The following FAM210A variants were observed in gnomAD, a reference collection of about 807,000 sequenced individuals.
FAM210A encodes mitochondrial inner membrane scaffold 1.
Under a neutral mutation model 25.3 loss-of-function variants are expected in FAM210A, and 13 were observed. The observed-to-expected ratio is 0.51, with a 90% confidence interval of 0.33 to 0.82. The LOEUF is 0.82. FAM210A is among the 40% of genes least tolerant of loss of function. The probability of loss-of-function intolerance (pLI) is 0.02; values close to 1 mark genes in which losing one functional copy is unlikely to be tolerated. For missense variants in FAM210A, 319 were observed against 323.2 expected (o/e 0.99, Z 0.10); for synonymous variants, 125 against 118.7 (o/e 1.05, Z -0.35).
intron 2 of FAM210A, among the ~76,000 whole-genome samples, chr18:13,677,044 C>T (rs1448854578): frequency 6.6e-6 from 1 of 151,600 alleles, no homozygotes; most frequent in Non-Finnish European, 1.5e-5. Context: ...ACTGAGCTCC[C>T]TGAGTGAGCA....
At position 13,664,734 on chromosome 18, in the gene FAM210A, C is replaced by T. The variant is rs1227958497; in HGVS notation, c.*1746G>A. On this transcript the variant is annotated 3_prime_UTR_variant, in exon 4 of 4. Coordinates refer to ENST00000651643, the MANE Select transcript of FAM210A (RefSeq NM_152352.4). ...AAAGCATTCTAATATAGTAATTAGA[C>T]TCATCAAATACAAACTTTTTTTCCC... is the stretch of plus-strand genomic sequence containing the variant. 1 of 152,178 alleles carries T rather than the reference C, an allele frequency of 6.6e-6. No homozygotes were observed. Among genetic ancestry groups the T allele is most frequent in the South Asian group, 2.1e-4 (1 of 4,826 alleles). The allele number at this position is 152,178 out of a possible 1,614,324, so 9.4% of individuals were successfully genotyped here.
chr18:13,697,082 T>TCA (rs2043700636), intron 1 of FAM210A, among the ~76,000 whole-genome samples: 16 of 152,240 alleles, frequency 1.1e-4, no homozygotes, highest in Admixed American at 1.0e-3. Flanking sequence ...CTGTACAGGT[T>TCA]TGTGGCCTAG....
At chr18:13,704,684 T>C (rs1030628333) in intron 1 of FAM210A, among the ~76,000 whole-genome samples, 4 of 152,306 alleles carry the variant, frequency 2.6e-5, no homozygotes, top group African/African-American at 7.2e-5. Flanking sequence ...ATGTGAAGAA[T>C]TGTCAAAATA....
At chr18:13,677,367 C>T (rs1369193406) in intron 2 of FAM210A, among the ~76,000 whole-genome samples, 2 of 152,206 alleles carry the variant, frequency 1.3e-5, no homozygotes, top group African/African-American at 4.8e-5. Context: ...AGCCATCACG[C>T]CCGGCCCCTG....
chr18:13,690,469 T>C (rs1405300509), intron 1 of FAM210A, among the ~76,000 whole-genome samples: 3 of 152,222 alleles, frequency 2.0e-5, no homozygotes, highest in Non-Finnish European at 1.5e-5. Flanking sequence ...AGTGGGTCCC[T>C]GACCCCCGAG....
chr18:13,718,961 A>G (rs2043880149), intron 1 of FAM210A, among the ~76,000 whole-genome samples: 1 of 152,212 alleles, frequency 6.6e-6, no homozygotes, highest in Non-Finnish European at 1.5e-5. Flanking sequence ...CCATTGTTGC[A>G]ATAAAGAGCT....
chr18:13,705,259 T>C (rs1372675164), intron 1 of FAM210A, among the ~76,000 whole-genome samples: 1 of 152,200 alleles, frequency 6.6e-6, no homozygotes, highest in African/African-American at 2.4e-5. Context: ...ATCAGTGCTA[T>C]GTACCTAATT....
At chr18:13,710,589 G>A (rs2043813818) in intron 1 of FAM210A, 1 of 152,228 alleles carries the variant, frequency 6.6e-6, no homozygotes, top group Non-Finnish European at 1.5e-5. Flanking sequence ...TGGTTTCTAT[G>A]GATAACATCA....
chr18:13,716,997 G>C (rs573514909), intron 1 of FAM210A, among the ~76,000 whole-genome samples: 56 of 152,324 alleles, frequency 3.7e-4, no homozygotes, highest in South Asian at 2.7e-3. Context: ...ACTGGAGTGT[G>C]CTCTGTTTGC....
chr18:13,719,327 T>C (rs2043882662), intron 1 of FAM210A, among the ~76,000 whole-genome samples: 1 of 152,208 alleles, frequency 6.6e-6, no homozygotes, highest in Non-Finnish European at 1.5e-5. Context: ...AATACCACGT[T>C]TAATTCAATT....
At chr18:13,682,171 G>T in intron 1 of FAM210A, 66 bp from the exon 2 acceptor site, 1 of 1,076,834 alleles carries the variant, frequency 9.3e-7, no homozygotes, top group Non-Finnish European at 1.3e-6. Context: ...CAATTCATTT[G>T]AAAATCAATC....
At chr18:13,673,595 G>A (rs2043462912) in intron 2 of FAM210A, among the ~76,000 whole-genome samples, 1 of 148,402 alleles carries the variant, frequency 6.7e-6, no homozygotes, top group Admixed American at 6.7e-5. Flanking sequence ...TAACATTCCT[G>A]AGCCGTGACT....
At chr18:13,677,589 C>T (rs2043516270) in intron 2 of FAM210A, among the ~76,000 whole-genome samples, 1 of 152,180 alleles carries the variant, frequency 6.6e-6, no homozygotes, top group East Asian at 1.9e-4. Context: ...TCTTTAACTA[C>T]CAGGCCCAGG....
At chr18:13,703,561 C>A (rs1004938637) in intron 1 of FAM210A, among the ~76,000 whole-genome samples, 1 of 152,170 alleles carries the variant, frequency 6.6e-6, no homozygotes, top group Non-Finnish European at 1.5e-5. Context: ...GCACTAGAAA[C>A]TGCATGTTTC....
intron 1 of FAM210A, among the ~76,000 whole-genome samples, chr18:13,689,809 A>C (rs1264068574): frequency 6.6e-6 from 1 of 152,238 alleles, no homozygotes; most frequent in Non-Finnish European, 1.5e-5. Context: ...CTGTGGTTCC[A>C]AGACGGCCAA....
At chr18:13,693,250 T>C (rs572805586) in intron 1 of FAM210A, among the ~76,000 whole-genome samples, 17 of 152,018 alleles carry the variant, frequency 1.1e-4, no homozygotes, top group Admixed American at 1.0e-3. Flanking sequence ...ATTGAGGCAA[T>C]AATAGCCCAC....
chr18:13,674,778 T>C (rs11080669), intron 2 of FAM210A, among the ~76,000 whole-genome samples: 1,290 of 7,260 alleles, frequency 0.18, 147 homozygotes, highest in Non-Finnish European at 0.2. Flanking sequence ...TTTCCAGTTT[T>C]CTGATTATTA....
rs371575153 is a variant in FAM210A at position 13,689,281 on chromosome 18, G to A, written c.-28-7176C>T. On this transcript the variant is annotated intron_variant, in intron 1 of 3. Transcript: ENST00000651643. ...TTGTGTTTTTTCTGGGCACGCCTTC[G>A]AGATGGCCCAATAAGCCTCCACTGA... is the stretch of plus-strand genomic sequence containing the variant. 6.6e-5 allele frequency among the ~76,000 whole-genome samples: 10 copies of A among 152,202 alleles called. No individual in the cohort carries two copies. The East Asian group carries it at 1.7e-3, about 26-fold the overall frequency.
At chr18:13,693,074 T>C (rs541082270) in intron 1 of FAM210A, among the ~76,000 whole-genome samples, 61 of 152,126 alleles carry the variant, frequency 4.0e-4, no homozygotes, top group Non-Finnish European at 7.1e-4. Flanking sequence ...ATATCACCAC[T>C]GATCCCACAG....
Sources: gnomAD v4.1 joint callset for allele counts (sites outside exome capture counted in the v4.1 genomes callset) on GRCh38, gnomAD v4.1.1 for gene constraint, MANE v1.5 for transcripts, NCBI Gene and HGNC (gene_info 2026-07-23, HGNC 2026-07-21) for gene names.